The following MAPK8 variants were observed in gnomAD, a reference collection of about 807,000 sequenced individuals.
MAPK8 encodes mitogen-activated protein kinase 8.
In MAPK8, 13 loss-of-function variants were observed where a neutral mutation model predicts 52.9. The ratio of observed to expected loss-of-function variants is 0.25; its 90% CI spans 0.16 to 0.39. The LOEUF (loss-of-function observed/expected upper bound fraction) is 0.39. MAPK8 is among the 10% of genes least tolerant of loss of function. MAPK8 has a pLI of 1.00. For missense variants in MAPK8, 300 were observed against 519.2 expected (o/e 0.58, Z 4.10); for synonymous variants, 191 against 169.8 (o/e 1.12, Z -0.97).
At chr10:48,401,833 T>G in intron 2 of MAPK8, 51 bp downstream of exon 2, 1 of 1,336,348 alleles carries the variant, frequency 7.5e-7, no homozygotes, top group Non-Finnish European at 9.7e-7. Flanking sequence ...CTGCTACCTT[T>G]TCTCCTCTCG....
At chr10:48,351,569 C>T (rs1211765703) in intron 1 of MAPK8, among the ~76,000 whole-genome samples, 1 of 151,378 alleles carries the variant, frequency 6.6e-6, no homozygotes, top group Non-Finnish European at 1.5e-5. Context: ...TATGAACATG[C>T]TTGAAATAAA....
intron 1 of MAPK8, among the ~76,000 whole-genome samples, chr10:48,343,180 G>A (rs1460203864): frequency 6.6e-6 from 1 of 152,210 alleles, no homozygotes; most frequent in African/African-American, 2.4e-5. Flanking sequence ...TCTGAACTCA[G>A]TATTAGTAGG....
chr10:48,396,607 T>C (rs1247246725), intron 1 of MAPK8, among the ~76,000 whole-genome samples: 1 of 152,190 alleles, frequency 6.6e-6, no homozygotes, highest in Non-Finnish European at 1.5e-5. Flanking sequence ...AATTGAAAAC[T>C]TATATTCACA....
At chr10:48,370,307 T>C (rs998268799) in intron 1 of MAPK8, among the ~76,000 whole-genome samples, 2 of 152,190 alleles carry the variant, frequency 1.3e-5, no homozygotes, top group Non-Finnish European at 2.9e-5. Flanking sequence ...GAAATTAGAC[T>C]AGTGCAACTT....
At chr10:48,389,114 G>A (rs2590389) in intron 1 of MAPK8, among the ~76,000 whole-genome samples, 149,594 of 152,246 alleles carry the variant, frequency 0.98, 73,508 homozygotes, top group Middle Eastern at 1. Context: ...TGGTATTTCT[G>A]TATTAATTAC....
chr10:48,311,571 CAT>C (rs1841986937), intron 1 of MAPK8, among the ~76,000 whole-genome samples: 1 of 152,168 alleles, frequency 6.6e-6, no homozygotes, highest in Admixed American at 6.5e-5. Context: ...ATAGCTTTAT[CAT>C]GTGACACATT....
intron 1 of MAPK8, among the ~76,000 whole-genome samples, chr10:48,358,241 CTG>C (rs1847169732): frequency 6.6e-6 from 1 of 152,214 alleles, no homozygotes; most frequent in Admixed American, 6.5e-5. Context: ...ACCCAGCAAA[CTG>C]TTTTTCATAG....
intron 1 of MAPK8, among the ~76,000 whole-genome samples, chr10:48,356,295 CAG>C (rs1252468955): frequency 6.6e-6 from 1 of 152,034 alleles, no homozygotes; most frequent in Non-Finnish European, 1.5e-5. Flanking sequence ...CATAACTTTT[CAG>C]AGTCTAAAGT....
chr10:48,417,068 A>C (rs1250339687), intron 5 of MAPK8, among the ~76,000 whole-genome samples: 1 of 152,126 alleles, frequency 6.6e-6, no homozygotes, highest in Non-Finnish European at 1.5e-5. Flanking sequence ...GCCTCTACCC[A>C]CTAGATGCCA....
intron 1 of MAPK8, among the ~76,000 whole-genome samples, chr10:48,395,356 A>G (rs78169941): frequency 0.011 from 1,692 of 152,174 alleles, 36 homozygotes; most frequent in African/African-American, 0.039. Flanking sequence ...GCCCAGACAC[A>G]TATATTTATC....
At chr10:48,371,393 G>T (rs1255861078) in intron 1 of MAPK8, among the ~76,000 whole-genome samples, 1 of 151,968 alleles carries the variant, frequency 6.6e-6, no homozygotes, top group African/African-American at 2.4e-5. Context: ...TCAGTGTGTT[G>T]TGTTTTTCAA....
At chr10:48,312,322 G>C (rs953445724) in intron 1 of MAPK8, among the ~76,000 whole-genome samples, 3 of 152,170 alleles carry the variant, frequency 2.0e-5, no homozygotes, top group African/African-American at 7.2e-5. Flanking sequence ...ATGCTACTCA[G>C]GTACTAACCA....
intron 1 of MAPK8, among the ~76,000 whole-genome samples, chr10:48,395,542 T>C (rs957480944): frequency 8.6e-5 from 13 of 152,040 alleles, no homozygotes; most frequent in African/African-American, 2.9e-4. Flanking sequence ...AAACCAGCTG[T>C]ACATCATCCA....
chr10:48,367,175 G>A (rs1281664625), intron 1 of MAPK8, among the ~76,000 whole-genome samples: 2 of 152,012 alleles, frequency 1.3e-5, no homozygotes, highest in African/African-American at 4.8e-5. Flanking sequence ...TTTGAGACCA[G>A]CCTGGGCAAC....
intron 1 of MAPK8, among the ~76,000 whole-genome samples, chr10:48,325,063 C>T (rs1479629416): frequency 1.3e-5 from 2 of 152,044 alleles, no homozygotes; most frequent in Admixed American, 6.6e-5. Flanking sequence ...GCAACCTCCA[C>T]CTCCTGGGTT....
chr10:48,424,111 A>C lies in MAPK8; in HGVS notation c.640A>C (p.Ile214Leu). The change falls in exon 7 of 12, where the codon ATT becomes CTT. Residue 214 changes from isoleucine to leucine, a missense_variant. Ile to Leu is a conservative substitution (Grantham distance 5, BLOSUM62 2). Around this residue, in one of 3 missense-constraint regions of MAPK8, gnomAD observed 147 missense variants for 328.1 expected, o/e 0.45. Coordinates refer to ENST00000374189, the MANE Select transcript of MAPK8 (RefSeq NM_001323329.2). ...ENVDLWSVGC[I>L]MGEMVCHKIL... ...AGTGGATTTATGGTCTGTGGGGTGC[A>C]TTATGGGAGAAATGGTTTGCCACAA... The C allele has an allele frequency of 6.2e-7, 1 of 1,613,326 alleles. No homozygotes were observed. The highest frequency in any genetic ancestry group is 8.5e-7 in the Non-Finnish European group (1 of 1,179,526).
chr10:48,405,640 T>G (rs1051991924), intron 3 of MAPK8, among the ~76,000 whole-genome samples: 1 of 152,264 alleles, frequency 6.6e-6, no homozygotes, highest in Non-Finnish European at 1.5e-5. Flanking sequence ...TTCATACTTT[T>G]GTGATTGTTC....
intron 1 of MAPK8, among the ~76,000 whole-genome samples, chr10:48,396,638 C>A (rs2041901194): frequency 6.6e-6 from 1 of 152,148 alleles, no homozygotes; most frequent in South Asian, 2.1e-4. Flanking sequence ...TACACAAAGC[C>A]TTAGAACAGC....
intron 1 of MAPK8, among the ~76,000 whole-genome samples, chr10:48,324,449 C>G (rs1843281919): frequency 6.8e-6 from 1 of 147,804 alleles, no homozygotes; most frequent in Admixed American, 6.8e-5. Context: ...GTTTATGAAC[C>G]ACATTTGATC....
Sources: gnomAD v4.1 joint callset for allele counts (sites outside exome capture counted in the v4.1 genomes callset) on GRCh38, gnomAD v4.1.1 for gene constraint, gnomAD v4.1.1 regional missense constraint, MANE v1.5 for transcripts, NCBI Gene and HGNC (gene_info 2026-07-23, HGNC 2026-07-21) for gene names.